Variants in UCP1 observed in about 807,000 individuals in gnomAD.
The protein encoded by UCP1 is uncoupling protein 1.
In UCP1, 24 loss-of-function variants were observed where a neutral mutation model predicts 26.2. The ratio of observed to expected loss-of-function variants is 0.92; its 90% CI spans 0.66 to 1.29. The LOEUF (loss-of-function observed/expected upper bound fraction) is 1.29. Among genes scored for constraint, UCP1 ranks in the 50% most tolerant of loss-of-function variants. UCP1 has a pLI of 0.00. For synonymous variants in UCP1, 164 were observed against 156.8 expected, an observed-to-expected ratio of 1.05 and a Z score of -0.34; for missense variants, 402 against 388.7, an observed-to-expected ratio of 1.03 and a Z score of -0.29.
intron 5 of UCP1, among the ~76,000 whole-genome samples, chr4:140,560,968 A>G (rs1323273283): frequency 1.3e-5 from 2 of 152,160 alleles, no homozygotes; most frequent in Non-Finnish European, 2.9e-5. Flanking sequence ...ATTTAAGTGT[A>G]ATCATACAGT....
chr4:140,563,501 T>C lies in UCP1; in HGVS notation c.343A>G (p.Ser115Gly). The C allele has an allele frequency of 6.2e-7, 1 of 1,614,142 alleles. No individual in the cohort carries two copies. Among genetic ancestry groups the C allele is most frequent in the Non-Finnish European group, 8.5e-7 (1 of 1,180,034 alleles). The change falls in exon 3 of 6, where the codon AGC becomes GGC. Residue 115 changes from serine (S) to glycine (G), a missense_variant. Ser to Gly is a moderately conservative substitution (Grantham distance 56, BLOSUM62 0). Coordinates refer to ENST00000262999, the MANE Select transcript of UCP1 (RefSeq NM_021833.5). ...GTCGTTAGACCAGCTAAAATCTTGC[T>C]TCCTAAACTAGGTGCTGCTATCCAG... ...AGKETAPSLG[S>G]KILAGLTTGG...
chr4:140,563,316 A>C lies in UCP1; in HGVS notation c.526+2T>G. On this transcript the variant is annotated splice_donor_variant, in intron 3 of 5. Coordinates refer to ENST00000262999, the MANE Select transcript of UCP1 (RefSeq NM_021833.5). LOFTEE classifies it high-confidence loss of function. ...TATAAAACCCATTTTGAAGTTAGTT[A>C]CCTTTCCAAAGACCCGTCAAGCCTT... 2 of 1,614,042 alleles carry C rather than the reference A, an allele frequency of 1.2e-6. No individual in the cohort carries two copies. The highest frequency in any genetic ancestry group is 8.5e-7 in the Non-Finnish European group (1 of 1,179,996).
intron 1 of UCP1, 32 bp downstream of exon 1, chr4:140,568,572 A>T (rs1411983333): frequency 6.2e-7 from 1 of 1,613,440 alleles, no homozygotes; most frequent in African/African-American, 1.3e-5. Context: ...CTCTGTCCTG[A>T]GACCCCTTGT....
chr4:140,563,941 C>T (rs1368510201), intron 2 of UCP1, among the ~76,000 whole-genome samples: 1 of 152,134 alleles, frequency 6.6e-6, no homozygotes, highest in Non-Finnish European at 1.5e-5. Context: ...TTCTATTTCT[C>T]TAATGCTTGT....
At chr4:140,562,407 AC>A in intron 4 of UCP1, 34 bp from the exon 5 acceptor site, 1 of 1,611,326 alleles carries the variant, frequency 6.2e-7, no homozygotes, top group Middle Eastern at 1.8e-4. Context: ...TCAACATCAG[AC>A]TTTTGGGGGC....
At position 140,559,926 on chromosome 4, in the gene UCP1, C is replaced by A; in HGVS notation, c.894G>T (p.Lys298Asn). 6.2e-7 allele frequency: 1 copy of A among 1,614,068 alleles called. No homozygotes were observed. The highest frequency in any genetic ancestry group is 1.3e-5 in the African/African-American group (1 of 75,008). The change falls in exon 6 of 6, where the codon AAG (lysine) becomes AAT (asparagine). Residue 298 changes from lysine (K) to asparagine (N), a missense_variant. Coordinates refer to ENST00000262999, the MANE Select transcript of UCP1 (RefSeq NM_021833.5). ...CFEQLKRELS[K>N]SRQTMDCAT ...TGGCACAGTCCATAGTCTGCCTTGA[C>A]TTTGACAGTTCTCGTTTCAGTTGTT...
At chr4:140,568,463 T>C in intron 1 of UCP1, 141 bp downstream of exon 1, 3 of 1,417,134 alleles carry the variant, frequency 2.1e-6, no homozygotes, top group Non-Finnish European at 2.9e-6. Flanking sequence ...GCACCAGCCC[T>C]GGGACAAGGC....
rs149333659 is a variant in UCP1 at position 140,563,479 on chromosome 4, G to A, written c.365C>T (p.Thr122Met). 246 of 1,613,868 alleles carry A rather than the reference G, an allele frequency of 1.5e-4. 1 individual carries two copies. Among genetic ancestry groups the A allele is most frequent in the Admixed American group, 3.8e-4 (23 of 59,974 alleles). Residue 122 changes from threonine (T) to methionine (M), a missense_variant, in exon 3 of 6, where the codon ACG (threonine) becomes ATG (methionine). Physicochemically the swap from Thr to Met is moderately conservative, Grantham distance 81 (BLOSUM62 -1). Transcript: ENST00000262999. ...SLGSKILAGL[T>M]TGGVAVFIGQ... ...AATGAATACTGCCACTCCTCCAGTCGTTAGACCAGCTAAAATCTTGCTTCC... is the reference window on the plus strand; with the variant it reads ...AATGAATACTGCCACTCCTCCAGTCATTAGACCAGCTAAAATCTTGCTTCC...
chr4:140,560,807 T>TA (rs1735662095), intron 5 of UCP1, among the ~76,000 whole-genome samples: 1 of 152,178 alleles, frequency 6.6e-6, no homozygotes, highest in African/African-American at 2.4e-5. Flanking sequence ...ACATTGTGTG[T>TA]AACCATCACC....
chr4:140,560,092 G>A lies in UCP1; in HGVS notation c.810-82C>T, dbSNP rs117949489. On this transcript the variant is annotated intron_variant, in intron 5 of 5. Coordinates refer to ENST00000262999, the MANE Select transcript of UCP1 (RefSeq NM_021833.5). ...TTTTGAGATGAGGCTTCACCCTGCC[G>A]CCCAGGCTGGAATGCAGTAGTGTAA... 896 of 1,175,384 alleles carry A rather than the reference G, an allele frequency of 7.6e-4. 7 individuals are homozygous for A. The East Asian group carries it at 0.018, about 24-fold the overall frequency. The allele number at this position is 1,175,384 out of a possible 1,614,324, so 72.8% of individuals were successfully genotyped here. A position where few individuals can be genotyped will look rare whatever the true frequency, so the allele number is the denominator to read the frequency against.
rs1455168056 is a variant in UCP1 at position 140,567,961 on chromosome 4, G to C, written c.143C>G (p.Pro48Arg). The C allele has an allele frequency of 6.2e-7, 1 of 1,614,180 alleles. No homozygotes were observed. The highest frequency in any genetic ancestry group is 1.1e-5 in the South Asian group (1 of 91,080). ...TTTATACCTAATAACACTGGACGTC[G>C]GGCATTCACCTTGGACCTGGAAATA... is the stretch of plus-strand genomic sequence containing the variant. ...KVRLQVQGEC[P>R]TSSVIRYKGV... Residue 48 changes from proline (P) to arginine (R), a missense_variant, in exon 2 of 6, where the codon CCG (proline) becomes CGG (arginine). Physicochemically the swap from Pro to Arg is moderately radical, Grantham distance 103. Transcript: ENST00000262999.
intron 2 of UCP1, among the ~76,000 whole-genome samples, chr4:140,564,773 A>T (rs569650793): frequency 6.6e-6 from 1 of 152,184 alleles, no homozygotes; most frequent in Non-Finnish European, 1.5e-5. Context: ...AACGTAGTGT[A>T]TCTTGATGTA....
chr4:140,566,623 A>T (rs1735804900), intron 2 of UCP1, among the ~76,000 whole-genome samples: 1 of 152,240 alleles, frequency 6.6e-6, no homozygotes, highest in African/African-American at 2.4e-5. Flanking sequence ...TTTATAAATT[A>T]TCCCATAAAA....
Position 140,567,974 on chromosome 4 carries a change from G to A in UCP1, c.130C>T (p.Gln44Ter). Residue 44 changes from glutamine (Q) to a stop codon, truncating the protein, a stop_gained, in exon 2 of 6, where the codon CAA (glutamine) becomes TAA (stop). Coordinates refer to ENST00000262999, the MANE Select transcript of UCP1 (RefSeq NM_021833.5). LOFTEE classifies it high-confidence loss of function. Reference protein sequence around the residue: ...LDTAKVRLQVQGECPTSSVIR... With the variant: ...LDTAKVRLQV Reference sequence around the variant, plus strand: ...ACACTGGACGTCGGGCATTCACCTTGGACCTGGAAATAAGAAAGGTGCAGA... The same window carrying A: ...ACACTGGACGTCGGGCATTCACCTTAGACCTGGAAATAAGAAAGGTGCAGA... 2 of 1,614,160 alleles carry A rather than the reference G, an allele frequency of 1.2e-6. No homozygotes were observed. The highest frequency in any genetic ancestry group is 2.2e-5 in the East Asian group (1 of 44,880).
intron 5 of UCP1, among the ~76,000 whole-genome samples, chr4:140,561,166 A>G (rs1560842500): frequency 6.6e-6 from 1 of 152,230 alleles, no homozygotes; most frequent in Non-Finnish European, 1.5e-5. Flanking sequence ...GTATTAATGT[A>G]TCATAAGTAC....
intron 2 of UCP1, 23 bp from the exon 3 acceptor site, chr4:140,563,541 A>G: frequency 2.5e-6 from 4 of 1,604,772 alleles, no homozygotes; most frequent in Non-Finnish European, 3.4e-6. Context: ...AAAAAAAATT[A>G]TTAAGAAAAA....
Position 140,562,288 on chromosome 4 carries a change from G to T in UCP1, c.714C>A (p.Thr238=). The T allele has an allele frequency of 6.2e-7, 1 of 1,614,072 alleles. No homozygotes were observed. The highest frequency in any genetic ancestry group is 1.1e-5 in the South Asian group (1 of 91,076). Residue 238 remains threonine, a synonymous_variant, in exon 5 of 6, where the codon ACC becomes ACA. Transcript: ENST00000262999. Reference sequence around the variant, plus strand: ...GTCCTGGTGGAGAATTAATAAATCTGGTTTTTACTACATCCACCGGGGAGG... The same window carrying T: ...GTCCTGGTGGAGAATTAATAAATCTTGTTTTTACTACATCCACCGGGGAGG... ...AMSSPVDVVK[T]RFINSPPGQY... is the part of the protein sequence containing the mutation.
At position 140,568,879 on chromosome 4, in the gene UCP1, G is replaced by A. The variant is rs1232963759; in HGVS notation, c.-150C>T. ...ACCGCCGGGCAGCGGCGGTGCAGAG[G>A]CGGCGGCTGCAGACGGAGCGCGGTG... On this transcript the variant is annotated 5_prime_UTR_variant, in exon 1 of 6. Coordinates refer to ENST00000262999, the MANE Select transcript of UCP1 (RefSeq NM_021833.5). 1 of 1,261,980 alleles carries A rather than the reference G, an allele frequency of 7.9e-7. No individual in the cohort carries two copies. The allele number at this position is 1,261,980 out of a possible 1,614,324, so 78.2% of individuals were successfully genotyped here. A position where few individuals can be genotyped will look rare whatever the true frequency, so the allele number is the denominator to read the frequency against.
In UCP1 at chr4:140,568,712, G is replaced by A. The variant is rs974001880; in HGVS notation, c.18C>T (p.Ala6=). 6.3e-7 allele frequency: 1 copy of A among 1,596,660 alleles called. No homozygotes were observed. The highest frequency in any genetic ancestry group is 1.3e-5 in the African/African-American group (1 of 74,734). Residue 6 remains alanine (A), a synonymous_variant, in exon 1 of 6, where the codon GCC becomes GCT. Coordinates refer to ENST00000262999, the MANE Select transcript of UCP1 (RefSeq NM_021833.5). ...CCCCCAGGGTCGGGTGTACGTCCGA[G>A]GCTGTCAGGCCCCCCATCTTCACTC... is the stretch of plus-strand genomic sequence containing the variant. MGGLT[A]SDVHPTLGVQ...
Sources: gnomAD v4.1 joint callset for allele counts (sites outside exome capture counted in the v4.1 genomes callset) on GRCh38, gnomAD v4.1.1 for gene constraint, MANE v1.5 for transcripts, NCBI Gene and HGNC (gene_info 2026-07-23, HGNC 2026-07-21) for gene names.